ELFN2: variants seen among roughly 807,000 people sequenced by gnomAD.
The protein encoded by ELFN2 is extracellular leucine rich repeat and fibronectin type III domain containing 2, also known as protein phosphatase 1 regulatory subunit 29.
ELFN2 carries 17 observed loss-of-function variants against 45.5 expected under a neutral mutation model. That is an observed-to-expected ratio of 0.37 (90% CI 0.26 to 0.56). The LOEUF (loss-of-function observed/expected upper bound fraction) is 0.56. ELFN2 is among the 20% of genes least tolerant of loss of function. The pLI is 0.77. For missense variants in ELFN2, 922 were observed against 1,183.2 expected (o/e 0.78, Z 3.24); for synonymous variants, 550 against 551.5 (o/e 1.00, Z 0.04).
chr22:37,417,430 CT>C lies in ELFN2; in HGVS notation c.-463+338del, dbSNP rs533369698. Among the ~76,000 whole-genome samples the C allele has an allele frequency of 1.3e-5, 2 of 152,364 alleles. No homozygotes were observed. Among genetic ancestry groups the C allele is most frequent in the African/African-American group, 4.8e-5 (2 of 41,596 alleles). ...CCCCCAGCAGGTGCACAGATGCCCC[CT>C]GACCTGCTGGAGTGCAGACTAAGCC... is the stretch of plus-strand genomic sequence containing the variant. On this transcript the variant is annotated intron_variant, in intron 2 of 2. Transcript: ENST00000402918. This position sits in a 1 kb window ranked among gnomAD's most constrained non-coding sequence, Gnocchi z 4.5.
chr22:37,381,461 C>A (rs1040404361), intron 2 of ELFN2, among the ~76,000 whole-genome samples: 1 of 152,060 alleles, frequency 6.6e-6, no homozygotes, highest in Non-Finnish European at 1.5e-5. Context: ...GACCTTTGCT[C>A]TTCTCTCTGC....
chr22:37,351,291 C>T (rs937418895), intron 1 of ELFN2, among the ~76,000 whole-genome samples: 2 of 150,018 alleles, frequency 1.3e-5, no homozygotes, highest in African/African-American at 4.9e-5. Context: ...GCCCCCACCC[C>T]AGGAGCTTCC....
chr22:37,377,771 C>T (rs1449381210), intron 2 of ELFN2, among the ~76,000 whole-genome samples: 2 of 152,212 alleles, frequency 1.3e-5, no homozygotes, highest in Admixed American at 1.3e-4. Context: ...CACAAGGCAG[C>T]CAGGCAGGAA....
intron 2 of ELFN2, among the ~76,000 whole-genome samples, chr22:37,407,890 GT>G (rs1258593684): frequency 6.6e-6 from 1 of 150,752 alleles, no homozygotes; most frequent in Non-Finnish European, 1.5e-5. Context: ...GCAAGACTCC[GT>G]CTCAAAAAAA....
At chr22:37,420,998 G>T (rs1229360568) in intron 1 of ELFN2, among the ~76,000 whole-genome samples, 1 of 152,138 alleles carries the variant, frequency 6.6e-6, no homozygotes, top group Non-Finnish European at 1.5e-5. Context: ...CATTAAAATT[G>T]CAAGTTCCTG....
At chr22:37,422,792 A>G (rs2145693279) in intron 1 of ELFN2, among the ~76,000 whole-genome samples, 2 of 151,236 alleles carry the variant, frequency 1.3e-5, no homozygotes, top group South Asian at 4.2e-4. Context: ...ACAGGGTTTC[A>G]CCATGTTGGC....
At chr22:37,409,999 G>T (rs557332747) in intron 2 of ELFN2, among the ~76,000 whole-genome samples, 1 of 152,264 alleles carries the variant, frequency 6.6e-6, no homozygotes, top group East Asian at 1.9e-4. Flanking sequence ...CCAGGTATAA[G>T]GGGGTTTGTA....
chr22:37,341,702 C>T (rs1291483348), intron 2 of ELFN2, among the ~76,000 whole-genome samples: 2 of 152,184 alleles, frequency 1.3e-5, no homozygotes, highest in African/African-American at 4.8e-5. Flanking sequence ...GACTCCCATC[C>T]CTTCGTTAAG....
chr22:37,398,916 C>T (rs542914257), intron 2 of ELFN2, among the ~76,000 whole-genome samples: 7 of 152,244 alleles, frequency 4.6e-5, no homozygotes, highest in African/African-American at 1.7e-4. Flanking sequence ...CTCCAAGAAA[C>T]ACCCCCTGTA....
chr22:37,373,475 C>G lies in ELFN2; in HGVS notation c.2060G>C (p.Gly687Ala). The change falls in exon 3 of 3, where the codon GGC becomes GCC. Residue 687 changes from glycine (G) to alanine (A), a missense_variant. Coordinates refer to ENST00000402918, the MANE Select transcript of ELFN2 (RefSeq NM_052906.5). ...LPLVPAGSGG[G>A]SGGGGGIHHL... Reference sequence around the variant, plus strand: ...GTGGATGCCCCCGCCCCCGCCGCTGCCCCCGCCGCTGCCCGCCGGCACCAG... The same window carrying G: ...GTGGATGCCCCCGCCCCCGCCGCTGGCCCCGCCGCTGCCCGCCGGCACCAG... 6.5e-7 allele frequency: 1 copy of G among 1,541,452 alleles called. No individual in the cohort carries two copies. The highest frequency in any genetic ancestry group is 2.4e-5 in the East Asian group (1 of 41,068).
At chr22:37,379,039 G>A (rs1320099433) in intron 2 of ELFN2, among the ~76,000 whole-genome samples, 3 of 152,228 alleles carry the variant, frequency 2.0e-5, no homozygotes, top group Admixed American at 2.0e-4. Context: ...ACATACCCAG[G>A]TGGTGAGAGA....
chr22:37,413,901 C>T (rs533344078), intron 2 of ELFN2, among the ~76,000 whole-genome samples: 27 of 152,342 alleles, frequency 1.8e-4, no homozygotes, highest in Admixed American at 4.6e-4. Context: ...AACGCAAGGC[C>T]TCCCAGCAAG....
At chr22:37,342,724 G>A (rs1930591858) in intron 1 of ELFN2, 1 of 144,540 alleles carries the variant, frequency 6.9e-6, no homozygotes, top group African/African-American at 2.5e-5. Flanking sequence ...AAAGGAAAAT[G>A]AACCTTTCAT....
chr22:37,347,226 G>A (rs191210104), intron 1 of ELFN2, among the ~76,000 whole-genome samples: 8 of 152,166 alleles, frequency 5.3e-5, no homozygotes, highest in Non-Finnish European at 8.8e-5. Context: ...TGATCCGCCC[G>A]CCTCGGCCTC....
chr22:37,426,345 C>T (rs1362489884), intron 1 of ELFN2, among the ~76,000 whole-genome samples: 2 of 121,412 alleles, frequency 1.6e-5, no homozygotes, highest in African/African-American at 6.1e-5. Flanking sequence ...TGCATGCACA[C>T]GCGCGCGCGC....
chr22:37,342,433 A>T (rs889939401), intron 2 of ELFN2, among the ~76,000 whole-genome samples: 1 of 152,076 alleles, frequency 6.6e-6, no homozygotes, highest in African/African-American at 2.4e-5. Flanking sequence ...GGGCCATTCC[A>T]GGCAGAGGGA....
chr22:37,405,900 G>C (rs1200203466), intron 2 of ELFN2, among the ~76,000 whole-genome samples: 1 of 152,056 alleles, frequency 6.6e-6, no homozygotes, highest in Non-Finnish European at 1.5e-5. Context: ...ACCTTGGGAG[G>C]CCAAGGCAGG....
chr22:37,394,979 T>G (rs996774843), intron 2 of ELFN2, among the ~76,000 whole-genome samples: 1 of 151,996 alleles, frequency 6.6e-6, no homozygotes, highest in African/African-American at 2.4e-5. Context: ...GGCACACGCC[T>G]GTAGTCCCAG....
chr22:37,360,272 C>T (rs1931052744), intron 1 of ELFN2, among the ~76,000 whole-genome samples: 1 of 152,196 alleles, frequency 6.6e-6, no homozygotes, highest in African/African-American at 2.4e-5. Context: ...GGGATGGGGA[C>T]ATGAGCTCCT....
Sources: gnomAD v4.1 joint callset for allele counts (sites outside exome capture counted in the v4.1 genomes callset) on GRCh38, gnomAD v4.1.1 for gene constraint, Gnocchi (gnomAD v3.1) non-coding constraint, MANE v1.5 for transcripts, NCBI Gene and HGNC (gene_info 2026-07-23, HGNC 2026-07-21) for gene names.